The following DDX39B variants were observed in gnomAD, a reference collection of about 807,000 sequenced individuals.
DDX39B encodes DExD-box helicase 39B.
DDX39B carries 6 observed loss-of-function variants against 46.4 expected under a neutral mutation model. That is an observed-to-expected ratio of 0.13 (90% CI 0.07 to 0.26). The LOEUF is 0.26. Among genes scored for constraint, DDX39B ranks in the 10% least tolerant of loss-of-function variants. The pLI, the probability that DDX39B is intolerant of heterozygous loss-of-function variation, is 1.00. For missense variants in DDX39B, 185 were observed against 553.4 expected, an observed-to-expected ratio of 0.33 and a Z score of 6.68; for synonymous variants, 174 against 199.4, an observed-to-expected ratio of 0.87 and a Z score of 1.07.
chr6:31,535,176 C>G lies in DDX39B; in HGVS notation c.735+191G>C. The G allele has an allele frequency of 1.6e-6, 1 of 624,916 alleles. No individual in the cohort carries two copies. The highest frequency in any genetic ancestry group is 2.6e-5 in the Admixed American group (1 of 38,014). The allele number at this position is 624,916 out of a possible 1,614,324, so 38.7% of individuals were successfully genotyped here. The stretch of plus-strand genomic sequence containing the variant: ...ACCCGACCAAGTCTTCCGGAGTTTC[C>G]CTGGCACCCGCGCAGGCCCTAACAC... On this transcript the variant is annotated intron_variant, in intron 6 of 10. Coordinates refer to ENST00000396172, the MANE Select transcript of DDX39B (RefSeq NM_004640.7). The surrounding 1 kb of genome is among the most constrained non-coding windows in gnomAD (Gnocchi z 4.6).
intron 2 of DDX39B, 100 bp downstream of exon 2, chr6:31,540,222 A>T: frequency 1.5e-6 from 2 of 1,319,342 alleles, no homozygotes; most frequent in Non-Finnish European, 2.1e-6. Context: ...ATCTAGCCTT[A>T]AGTATAAACC....
intron 7 of DDX39B, 136 bp downstream of exon 7, chr6:31,532,644 C>G: frequency 8.4e-7 from 1 of 1,188,524 alleles, no homozygotes; most frequent in Non-Finnish European, 1.2e-6. Context: ...TGCTCAGCCC[C>G]TAAGATATTT....
At position 31,539,820 on chromosome 6, in the gene DDX39B, G is replaced by A. The variant is rs184177415; in HGVS notation, c.211+502C>T. 6.6e-4 allele frequency among the ~76,000 whole-genome samples: 100 copies of A among 152,292 alleles called. 2 individuals are homozygous for A. The highest frequency in any genetic ancestry group is 4.7e-3 in the Admixed American group (72 of 15,304). ...CCTTTCTGGAAATTTAAAATTAGAA[G>A]TCAAGTGACAAAATTAAAAATAAGC... On this transcript the variant is annotated intron_variant, in intron 2 of 10. Transcript: ENST00000396172.
At position 31,531,021 on chromosome 6, in the gene DDX39B, A is replaced by C. The variant is rs1218177298; in HGVS notation, c.1122+32T>G. 1 of 1,613,842 alleles carries C rather than the reference A, an allele frequency of 6.2e-7. No homozygotes were observed. The highest frequency in any genetic ancestry group is 2.2e-5 in the East Asian group (1 of 44,874). On this transcript the variant is annotated intron_variant, in intron 9 of 10. Coordinates refer to ENST00000396172, the MANE Select transcript of DDX39B (RefSeq NM_004640.7). The surrounding 1 kb of genome is among the most constrained non-coding windows in gnomAD (Gnocchi z 5.8). ...TACAAACAGAAAACAAGGGAATGGG[A>C]GAGTGGGATTTTTTCAGCCTGTGAG...
rs188032977 is a variant in DDX39B at position 31,531,981 on chromosome 6, C to A, written c.868-576G>T. Among the ~76,000 whole-genome samples the A allele has an allele frequency of 5.3e-5, 8 of 152,194 alleles. No homozygotes were observed. Among genetic ancestry groups the A allele is most frequent in the Admixed American group, 1.3e-4 (2 of 15,284 alleles). On this transcript the variant is annotated intron_variant, in intron 7 of 10. Transcript: ENST00000396172. This position sits in a 1 kb window ranked among gnomAD's most constrained non-coding sequence, Gnocchi z 5.8. ...CACAGGTGCACACCACCACGCCCAG[C>A]TACTTTTTTTATTTTTTATTTTTAC...
rs575761772 is a variant in DDX39B at position 31,538,447 on chromosome 6, T to C, written c.432+316A>G. Among the ~76,000 whole-genome samples the C allele has an allele frequency of 5.9e-5, 9 of 152,326 alleles. No individual in the cohort carries two copies. The South Asian group carries it at 1.9e-3, about 32-fold the overall frequency. ...CTGAGATTACAGGTGTAAGCCATTG[T>C]GCACTTGGCCAGAATCCTCAATATT... On this transcript the variant is annotated intron_variant, in intron 4 of 10. Coordinates refer to ENST00000396172, the MANE Select transcript of DDX39B (RefSeq NM_004640.7).
Position 31,531,025 on chromosome 6 carries a change from T to A in DDX39B, c.1122+28A>T. 6.2e-7 allele frequency: 1 copy of A among 1,612,276 alleles called. No individual in the cohort carries two copies. Among genetic ancestry groups the A allele is most frequent in the Non-Finnish European group, 8.5e-7 (1 of 1,179,128 alleles). ...AACAGAAAACAAGGGAATGGGAGAG[T>A]GGGATTTTTTCAGCCTGTGAGGTTT... is the stretch of plus-strand genomic sequence containing the variant. On this transcript the variant is annotated intron_variant, in intron 9 of 10. Coordinates refer to ENST00000396172, the MANE Select transcript of DDX39B (RefSeq NM_004640.7). This position sits in a 1 kb window ranked among gnomAD's most constrained non-coding sequence, Gnocchi z 5.8.
Position 31,530,483 on chromosome 6 carries a change from G to A in DDX39B, c.1271-33C>T, listed in dbSNP as rs1475695172. On this transcript the variant is annotated intron_variant, in intron 10 of 10. Coordinates refer to ENST00000396172, the MANE Select transcript of DDX39B (RefSeq NM_004640.7). The surrounding 1 kb of genome is among the most constrained non-coding windows in gnomAD (Gnocchi z 4.5). ...GAAAACGTAGCATGGTCAGAATAAG[G>A]CATGAAAAGGGGAAAGTGAGGCAGG... The A allele has an allele frequency of 6.2e-7, 1 of 1,612,518 alleles. No homozygotes were observed.
At chr6:31,540,197 C>T (rs1422011947) in intron 2 of DDX39B, 125 bp downstream of exon 2, 1 of 1,081,042 alleles carries the variant, frequency 9.3e-7, no homozygotes, top group Non-Finnish European at 1.3e-6. Flanking sequence ...GCGTGAGCCA[C>T]TGCACCTGGC....
At chr6:31,540,240 C>T in intron 2 of DDX39B, 82 bp downstream of exon 2, 1 of 1,462,234 alleles carries the variant, frequency 6.8e-7, no homozygotes. Context: ...ACCCTTACCA[C>T]CACCTGAGCA....
Position 31,531,118 on chromosome 6 carries a change from T to C in DDX39B, c.1057A>G (p.Ile353Val). Residue 353 changes from isoleucine (I) to valine (V), a missense_variant, in exon 9 of 11, where the codon ATC (isoleucine) becomes GTC (valine). By Grantham distance (29) the Ile-to-Val change is conservative. Around this residue, in one of 5 missense-constraint regions of DDX39B, gnomAD observed 5 missense variants for 57.3 expected, o/e 0.09. Transcript: ENST00000396172. The surrounding 1 kb of genome is among the most constrained non-coding windows in gnomAD (Gnocchi z 5.8). The stretch of plus-strand genomic sequence containing the variant: ...TTAAAAGCAATGTTCACCCGCTCGA[T>C]GTCCATGCCTCGGCCAAATAGGTTG... ...ATNLFGRGMD[I>V]ERVNIAFNYD... The C allele has an allele frequency of 1.2e-6, 2 of 1,614,234 alleles. No homozygotes were observed. Among genetic ancestry groups the C allele is most frequent in the East Asian group, 2.2e-5 (1 of 44,886 alleles).
Position 31,535,264 on chromosome 6 carries a change from C to A in DDX39B, c.735+103G>T. The A allele has an allele frequency of 8.6e-7, 1 of 1,163,604 alleles. No individual in the cohort carries two copies. The highest frequency in any genetic ancestry group is 1.3e-6 in the Non-Finnish European group (1 of 774,698). The allele number at this position is 1,163,604 out of a possible 1,614,324, so 72.1% of individuals were successfully genotyped here. On this transcript the variant is annotated intron_variant, in intron 6 of 10. Transcript: ENST00000396172. This position sits in a 1 kb window ranked among gnomAD's most constrained non-coding sequence, Gnocchi z 4.6. ...ATTACTCCCAGTTGGGCACAAGCCGCCTTCTTGGCACTTGAATGACAAGGG... is the reference window on the plus strand; with the variant it reads ...ATTACTCCCAGTTGGGCACAAGCCGACTTCTTGGCACTTGAATGACAAGGG...
In DDX39B at chr6:31,531,083, C is replaced by T; in HGVS notation, c.1092G>A (p.Met364Ile). The change falls in exon 9 of 11, where the codon ATG (methionine) becomes ATA (isoleucine). Residue 364 changes from methionine (M) to isoleucine (I), a missense_variant. Transcript: ENST00000396172. The surrounding 1 kb of genome is among the most constrained non-coding windows in gnomAD (Gnocchi z 5.8). Reference sequence around the variant, plus strand: ...GCAGGTAGGTGTCAGAATCCTCAGGCATGTCATAATTAAAAGCAATGTTCA... The same window carrying T: ...GCAGGTAGGTGTCAGAATCCTCAGGTATGTCATAATTAAAAGCAATGTTCA... Reference protein sequence around the residue: ...ERVNIAFNYDMPEDSDTYLHR... With the variant: ...ERVNIAFNYDIPEDSDTYLHR... The T allele has an allele frequency of 6.2e-7, 1 of 1,614,156 alleles. No individual in the cohort carries two copies. Among genetic ancestry groups the T allele is most frequent in the Non-Finnish European group, 8.5e-7 (1 of 1,180,020 alleles).
chr6:31,540,488 A>G lies in DDX39B; in HGVS notation c.45T>C (p.Asp15=). 6.2e-7 allele frequency: 1 copy of G among 1,614,046 alleles called. No homozygotes were observed. The highest frequency in any genetic ancestry group is 8.5e-7 in the Non-Finnish European group (1 of 1,180,004). ...CCCCAGCTGCTGTCTCCACCTCATC[A>G]TCTTCATAGTCCAAGAGCTCATTGT... The part of the protein sequence containing the change: ...DVDNELLDYE[D]DEVETAAGGD... Residue 15 remains aspartate (D), a synonymous_variant, in exon 2 of 11, where the codon GAT becomes GAC. Transcript: ENST00000396172.
intron 5 of DDX39B, 40 bp downstream of exon 5, chr6:31,536,460 A>T: frequency 6.2e-7 from 1 of 1,612,592 alleles, no homozygotes; most frequent in Non-Finnish European, 8.5e-7. Flanking sequence ...TCCAAAGAAC[A>T]ACTCCCCAGC....
At chr6:31,539,345 C>G in intron 2 of DDX39B, 71 bp from the exon 3 acceptor site, 1 of 1,568,388 alleles carries the variant, frequency 6.4e-7, no homozygotes, top group East Asian at 2.3e-5. Flanking sequence ...TTCACCATGC[C>G]AAGCCCATTT....
chr6:31,531,264 G>C lies in DDX39B; in HGVS notation c.977+32C>G. 6.2e-7 allele frequency: 1 copy of C among 1,614,046 alleles called. No homozygotes were observed. Among genetic ancestry groups the C allele is most frequent in the Non-Finnish European group, 8.5e-7 (1 of 1,179,988 alleles). On this transcript the variant is annotated intron_variant, in intron 8 of 10. Transcript: ENST00000396172. The surrounding 1 kb of genome is among the most constrained non-coding windows in gnomAD (Gnocchi z 5.8). The stretch of plus-strand genomic sequence containing the variant: ...CTCTCAACTGTCTTTTTCTCCCAAG[G>C]ACACAAAATATCTTTCCCATCTTCA...
chr6:31,531,137 T>C lies in DDX39B; in HGVS notation c.1038A>G (p.Leu346=), dbSNP rs138849178. Residue 346 remains leucine, a synonymous_variant, in exon 9 of 11, where the codon CTA becomes CTG. Coordinates refer to ENST00000396172, the MANE Select transcript of DDX39B (RefSeq NM_004640.7). This position sits in a 1 kb window ranked among gnomAD's most constrained non-coding sequence, Gnocchi z 5.8. ...GCTCGATGTCCATGCCTCGGCCAAA[T>C]AGGTTGGTAGCCACAAGAATTCGTC... is the stretch of plus-strand genomic sequence containing the variant. ...FQRRILVATN[L]FGRGMDIERV... is the part of the protein sequence containing the mutation. 731 of 1,614,192 alleles carry C rather than the reference T, an allele frequency of 4.5e-4. 3 individuals are homozygous for C. The African/African-American group carries it at 6.6e-3, about 15-fold the overall frequency.
At position 31,534,463 on chromosome 6, in the gene DDX39B, C is replaced by G. The variant is rs1481351940; in HGVS notation, c.735+904G>C. On this transcript the variant is annotated intron_variant, in intron 6 of 10. Transcript: ENST00000396172. This position sits in a 1 kb window ranked among gnomAD's most constrained non-coding sequence, Gnocchi z 5.1. Reference sequence around the variant, plus strand: ...CCCACCTAGCCCCAAACCCTAACAACCACCCGATTACATCCACTTTACCTT... The same window carrying G: ...CCCACCTAGCCCCAAACCCTAACAAGCACCCGATTACATCCACTTTACCTT... The G allele has an allele frequency of 2.1e-6, 1 of 471,064 alleles. No individual in the cohort carries two copies. Among genetic ancestry groups the G allele is most frequent in the South Asian group, 1.5e-5 (1 of 64,568 alleles). The allele number at this position is 471,064 out of a possible 1,614,324, so 29.2% of individuals were successfully genotyped here.
Sources: allele counts gnomAD v4.1 joint callset (sites outside exome capture counted in the v4.1 genomes callset), GRCh38; gene constraint gnomAD v4.1.1; regional missense constraint gnomAD v4.1.1; non-coding constraint Gnocchi (gnomAD v3.1); transcripts MANE v1.5; gene names NCBI Gene and HGNC (gene_info 2026-07-23, HGNC 2026-07-21).